CDKN3: variants seen among roughly 807,000 people sequenced by gnomAD.
The protein encoded by CDKN3 is cyclin-dependent kinase inhibitor 3.
Under a neutral mutation model 36.1 loss-of-function variants are expected in CDKN3, and 19 were observed. The observed-to-expected ratio is 0.53, with a 90% CI of 0.37 to 0.77. CDKN3 has a LOEUF of 0.77. CDKN3 is among the 30% of genes least tolerant of loss of function. The pLI is 0.00. For missense variants in CDKN3, 188 were observed against 248.6 expected, an observed-to-expected ratio of 0.76 and a Z score of 1.64; for synonymous variants, 71 against 85.3, an observed-to-expected ratio of 0.83 and a Z score of 0.92.
At chr14:54,399,829 G>A (rs1886422964) in intron 1 of CDKN3, 65 bp from the exon 2 acceptor site, 3 of 802,898 alleles carry the variant, frequency 3.7e-6, no homozygotes, top group African/African-American at 1.7e-5. Context: ...TTTAGACAAG[G>A]ATTAGCTATC....
intron 1 of CDKN3, among the ~76,000 whole-genome samples, chr14:54,397,841 C>CAT (rs1213875811): frequency 6.6e-6 from 1 of 152,154 alleles, no homozygotes; most frequent in African/African-American, 2.4e-5. Flanking sequence ...AACAGAAATC[C>CAT]ATAGCCTAGG....
intron 6 of CDKN3, among the ~76,000 whole-genome samples, chr14:54,416,463 A>G (rs536028968): frequency 2.6e-5 from 4 of 152,302 alleles, no homozygotes; most frequent in African/African-American, 9.6e-5. Flanking sequence ...AATATTTGCA[A>G]TCTATATATT....
intron 1 of CDKN3, among the ~76,000 whole-genome samples, chr14:54,397,501 C>T (rs1364170326): frequency 1.3e-5 from 2 of 152,246 alleles, no homozygotes; most frequent in African/African-American, 2.4e-5. Context: ...ACCTTGAGTA[C>T]GAATGCCACG....
chr14:54,414,558 T>A (rs1385630802), intron 5 of CDKN3, among the ~76,000 whole-genome samples: 1 of 151,232 alleles, frequency 6.6e-6, no homozygotes, highest in East Asian at 1.9e-4. Flanking sequence ...TTTTTTTTTT[T>A]AATAAGGCAG....
chr14:54,412,962 ACAAGCCCAGC>A, intron 5 of CDKN3: 2 of 469,072 alleles, frequency 4.3e-6, no homozygotes, highest in Non-Finnish European at 4.3e-6. Context: ...TAGTCATAGG[ACAAGCCCAGC>A]CAACTTCTCC....
At chr14:54,411,415 C>A in intron 4 of CDKN3, 69 bp from the exon 5 acceptor site, 1 of 1,195,712 alleles carries the variant, frequency 8.4e-7, no homozygotes, top group East Asian at 2.4e-5. Flanking sequence ...CATATTCTCC[C>A]TCTTGATGGT....
intron 6 of CDKN3, among the ~76,000 whole-genome samples, chr14:54,417,058 A>G (rs2030576806): frequency 6.6e-6 from 1 of 152,212 alleles, no homozygotes; most frequent in Admixed American, 6.5e-5. Context: ...GAGAAATTCG[A>G]ACCCTCATAC....
intron 3 of CDKN3, among the ~76,000 whole-genome samples, chr14:54,402,536 A>G (rs2029994996): frequency 6.6e-6 from 1 of 152,162 alleles, no homozygotes; most frequent in East Asian, 1.9e-4. Flanking sequence ...TTTGCTGTGC[A>G]GAAGCTCTTT....
At chr14:54,413,613 G>A (rs566589461) in intron 5 of CDKN3, 48 of 1,534,490 alleles carry the variant, frequency 3.1e-5, no homozygotes, top group African/African-American at 6.9e-5. Flanking sequence ...TAGAGCTTTC[G>A]AAGGTGTCCT....
At chr14:54,411,426 A>G in intron 4 of CDKN3, 58 bp from the exon 5 acceptor site, 1 of 1,286,620 alleles carries the variant, frequency 7.8e-7, no homozygotes, top group South Asian at 1.3e-5. Flanking sequence ...TCTTGATGGT[A>G]TTTAAATGTG....
chr14:54,405,177 T>C (rs1170294583), intron 3 of CDKN3, among the ~76,000 whole-genome samples: 1 of 152,224 alleles, frequency 6.6e-6, no homozygotes, highest in Non-Finnish European at 1.5e-5. Flanking sequence ...TCCTGAATTC[T>C]AATTTGATTG....
chr14:54,403,348 G>A (rs996699804), intron 3 of CDKN3, among the ~76,000 whole-genome samples: 2 of 152,078 alleles, frequency 1.3e-5, no homozygotes, highest in East Asian at 1.9e-4. Flanking sequence ...TTGGCTCTCC[G>A]TTTGTCTGTT....
intron 5 of CDKN3, among the ~76,000 whole-genome samples, chr14:54,412,247 T>C (rs545427819): frequency 5.9e-5 from 9 of 152,126 alleles, no homozygotes; most frequent in Admixed American, 5.9e-4. Flanking sequence ...ATGCCAGGCA[T>C]GGTGGTACGT....
chr14:54,401,462 G>C, intron 2 of CDKN3, 62 bp from the exon 3 acceptor site: 1 of 1,157,360 alleles, frequency 8.6e-7, no homozygotes, highest in Admixed American at 1.8e-5. Flanking sequence ...TGATTAAACT[G>C]AATTTCCATT....
chr14:54,419,449 A>G (rs1386957523), intron 7 of CDKN3, among the ~76,000 whole-genome samples: 2 of 152,236 alleles, frequency 1.3e-5, no homozygotes, highest in East Asian at 1.9e-4. Context: ...TAAAACTCCA[A>G]ATAAATTATT....
At chr14:54,416,489 A>G (rs1288460714) in intron 6 of CDKN3, among the ~76,000 whole-genome samples, 1 of 152,204 alleles carries the variant, frequency 6.6e-6, no homozygotes, top group African/African-American at 2.4e-5. Context: ...AGGGATTTGT[A>G]TCCAGAATAT....
At chr14:54,409,467 A>T (rs1475030206) in intron 4 of CDKN3, among the ~76,000 whole-genome samples, 1 of 152,180 alleles carries the variant, frequency 6.6e-6, no homozygotes, top group Non-Finnish European at 1.5e-5. Context: ...GATTCTAACT[A>T]GTATAGATTT....
intron 1 of CDKN3, among the ~76,000 whole-genome samples, 161 bp downstream of exon 1, chr14:54,397,238 C>G (rs1886332626): frequency 6.6e-6 from 1 of 152,246 alleles, no homozygotes; most frequent in African/African-American, 2.4e-5. Flanking sequence ...GGGCCCAGCA[C>G]GGGCACGAGA....
chr14:54,399,843 A>T (rs907567707), intron 1 of CDKN3, 51 bp from the exon 2 acceptor site: 1 of 943,188 alleles, frequency 1.1e-6, no homozygotes. Flanking sequence ...AGCTATCCTA[A>T]AACTACAAAA....
Sources: allele counts gnomAD v4.1 joint callset (sites outside exome capture counted in the v4.1 genomes callset), GRCh38; gene constraint gnomAD v4.1.1; transcripts MANE v1.5; gene names NCBI Gene and HGNC (gene_info 2026-07-23, HGNC 2026-07-21).